FAT1: variants seen among roughly 807,000 people sequenced by gnomAD.
FAT1 encodes protocadherin Fat 1.
Under a neutral mutation model 329.8 loss-of-function variants are expected in FAT1, and 171 were observed. The observed-to-expected ratio is 0.52, with a 90% CI of 0.46 to 0.59. The LOEUF is 0.59. Among genes scored for constraint, FAT1 ranks in the 20% least tolerant of loss-of-function variants. The pLI is 0.00. For missense variants in FAT1, 5,672 were observed against 5,774.4 expected (o/e 0.98, Z 0.57); for synonymous variants, 2,233 against 2,228.6 (o/e 1.00, Z -0.06).
intron 23 of FAT1, 51 bp from the exon 24 acceptor site, chr4:186,597,843 A>C: frequency 1.9e-6 from 3 of 1,578,192 alleles, no homozygotes; most frequent in Non-Finnish European, 1.7e-6. Context: ...ATTGCAAATA[A>C]ATACAGCAAA....
rs1233843253 is a variant in FAT1 at position 186,598,152 on chromosome 4, G to A, written c.12104-27C>T. On this transcript the variant is annotated intron_variant, in intron 22 of 26. Transcript: ENST00000441802. ...TAAATCGGCAAAAAGGAACAAAAAA[G>A]TCCTATCACTCAATGACTCAGAAAC... The A allele has an allele frequency of 3.8e-6, 6 of 1,578,994 alleles. No homozygotes were observed. In the African/African-American group the frequency reaches 5.5e-5, roughly 14 times the overall value.
At chr4:186,633,585 C>A in intron 7 of FAT1, 99 bp downstream of exon 7, 2 of 1,326,618 alleles carry the variant, frequency 1.5e-6, no homozygotes, top group South Asian at 2.6e-5. Context: ...TTTAGACCCT[C>A]ACAGGGCAGA....
At chr4:186,654,926 AC>A (rs1352772259) in intron 3 of FAT1, among the ~76,000 whole-genome samples, 1 of 151,734 alleles carries the variant, frequency 6.6e-6, no homozygotes, top group Non-Finnish European at 1.5e-5. Flanking sequence ...AAAAAAAAAA[AC>A]AAAAAAAACT....
chr4:186,710,801 A>G (rs1164708097), intron 1 of FAT1, among the ~76,000 whole-genome samples: 2 of 152,200 alleles, frequency 1.3e-5, no homozygotes, highest in African/African-American at 4.8e-5. Flanking sequence ...GGGTCAAATC[A>G]GTCTATTAAT....
At chr4:186,699,186 C>A (rs1160135235) in intron 2 of FAT1, among the ~76,000 whole-genome samples, 2 of 152,040 alleles carry the variant, frequency 1.3e-5, no homozygotes, top group African/African-American at 4.8e-5. Context: ...AAAAAGCTTA[C>A]CTGTGATAAG....
chr4:186,642,522 T>A (rs193139819), intron 3 of FAT1, among the ~76,000 whole-genome samples: 108 of 152,320 alleles, frequency 7.1e-4, no homozygotes, highest in African/African-American at 2.2e-3. Context: ...GTGAGAGAGA[T>A]AAACTACTGT....
chr4:186,679,540 T>C (rs1469987706), intron 2 of FAT1, among the ~76,000 whole-genome samples: 2 of 151,844 alleles, frequency 1.3e-5, no homozygotes, highest in Non-Finnish European at 2.9e-5. Context: ...AAGCAGGAAG[T>C]ATCTCACATC....
intron 3 of FAT1, among the ~76,000 whole-genome samples, chr4:186,653,673 A>G (rs747921976): frequency 6.6e-5 from 10 of 152,244 alleles, no homozygotes; most frequent in Non-Finnish European, 1.3e-4. Context: ...CTTTTGTGAT[A>G]CATGAAAAGG....
In FAT1 at chr4:186,606,201, T is replaced by C; in HGVS notation, c.10219A>G (p.Thr3407Ala). The C allele has an allele frequency of 6.2e-7, 1 of 1,612,726 alleles. No individual in the cohort carries two copies. Among genetic ancestry groups the C allele is most frequent in the Non-Finnish European group, 8.5e-7 (1 of 1,179,658 alleles). ...TTATCAGAAGCTTGAACCGTGAGCG[T>C]GTAACCTGAAATCTTTTCAGGCAAA... is the stretch of plus-strand genomic sequence containing the variant. Reference protein sequence around the residue: ...LLDRETISGYTLTVQASDNGS... With the variant: ...LLDRETISGYALTVQASDNGS... Residue 3407 changes from threonine (T) to alanine (A), a missense_variant, in exon 17 of 27, where the codon ACG (threonine) becomes GCG (alanine). This residue lies in a region of FAT1 where 1,706 missense variants were observed against 1,859.1 expected (regional missense o/e 0.92). Coordinates refer to ENST00000441802, the MANE Select transcript of FAT1 (RefSeq NM_005245.4).
At chr4:186,648,751 G>T (rs546604048) in intron 3 of FAT1, among the ~76,000 whole-genome samples, 1 of 152,178 alleles carries the variant, frequency 6.6e-6, no homozygotes, top group East Asian at 1.9e-4. Context: ...CATGGGGTGT[G>T]AATGCCAACC....
intron 3 of FAT1, among the ~76,000 whole-genome samples, chr4:186,652,349 T>G (rs1741708038): frequency 6.6e-6 from 1 of 152,192 alleles, no homozygotes; most frequent in East Asian, 1.9e-4. Context: ...TGCAAAATCT[T>G]AACTATAATT....
chr4:186,696,070 C>T (rs953970335), intron 2 of FAT1, among the ~76,000 whole-genome samples: 2 of 152,150 alleles, frequency 1.3e-5, no homozygotes, highest in East Asian at 1.9e-4. Context: ...GGATTACAGG[C>T]GGGAGCCACA....
At chr4:186,655,151 T>G (rs1741845365) in intron 3 of FAT1, among the ~76,000 whole-genome samples, 1 of 152,178 alleles carries the variant, frequency 6.6e-6, no homozygotes. Context: ...TAAAACCTTT[T>G]AAGATGCAAA....
Position 186,631,780 on chromosome 4 carries a change from G to A in FAT1, c.4323+1904C>T, listed in dbSNP as rs890169360. 3.3e-5 allele frequency among the ~76,000 whole-genome samples: 5 copies of A among 151,590 alleles called. No individual in the cohort carries two copies. In the East Asian group the frequency reaches 7.8e-4, roughly 24 times the overall value. On this transcript the variant is annotated intron_variant, in intron 7 of 26. Transcript: ENST00000441802. ...CCCCACAGTATCCTAGTGTCTCGCC[G>A]CCCAGCTGATCCCTCTGCTTTTCAA...
chr4:186,604,572 T>C lies in FAT1; in HGVS notation c.10353A>G (p.Glu3451=), dbSNP rs1187718296. The change falls in exon 18 of 27, where the codon GAA becomes GAG. Residue 3451 remains glutamate (E), a splice_region_variant and synonymous_variant. Coordinates refer to ENST00000441802, the MANE Select transcript of FAT1 (RefSeq NM_005245.4). ...SRGNYSVIIQ[E]NKPVGFSVLQ... ...GCACGCTGAAGCCCACTGGCTTATTTTCCTGCACAAGATTAGAAACAAAAT... is the reference window on the plus strand; with the variant it reads ...GCACGCTGAAGCCCACTGGCTTATTCTCCTGCACAAGATTAGAAACAAAAT... The C allele has an allele frequency of 6.2e-7, 1 of 1,604,362 alleles. No homozygotes were observed. The highest frequency in any genetic ancestry group is 8.5e-7 in the Non-Finnish European group (1 of 1,175,504).
intron 24 of FAT1, 87 bp from the exon 25 acceptor site, chr4:186,597,258 C>A (rs2126397066): frequency 7.4e-7 from 1 of 1,359,568 alleles, no homozygotes; most frequent in Non-Finnish European, 9.8e-7. Context: ...GAAGACTAAT[C>A]CCTCCTTGAT....
Position 186,666,104 on chromosome 4 carries a change from A to G in FAT1, c.3266-2491T>C, listed in dbSNP as rs536021192. Among the ~76,000 whole-genome samples the G allele has an allele frequency of 1.5e-3, 224 of 151,746 alleles. 1 individual carries two copies. Among genetic ancestry groups the G allele is most frequent in the Non-Finnish European group, 2.3e-3 (154 of 67,886 alleles). On this transcript the variant is annotated intron_variant, in intron 2 of 26. Transcript: ENST00000441802. Reference sequence around the variant, plus strand: ...TAATGTAAATGATGAGTTAATGGGTAAAGCACACCAACATGGCACATGTAT... The same window carrying G: ...TAATGTAAATGATGAGTTAATGGGTGAAGCACACCAACATGGCACATGTAT...
At chr4:186,691,525 G>A (rs1743761682) in intron 2 of FAT1, among the ~76,000 whole-genome samples, 1 of 152,198 alleles carries the variant, frequency 6.6e-6, no homozygotes, top group Admixed American at 6.5e-5. Context: ...GGCGTGACAG[G>A]CATGTTGGCT....
chr4:186,676,337 T>C (rs999907798), intron 2 of FAT1, among the ~76,000 whole-genome samples: 3 of 151,780 alleles, frequency 2.0e-5, no homozygotes, highest in Non-Finnish European at 2.9e-5. Flanking sequence ...TGGCGAGTTA[T>C]ACGGATGAGT....
Sources: allele counts gnomAD v4.1 joint callset (sites outside exome capture counted in the v4.1 genomes callset), GRCh38; gene constraint gnomAD v4.1.1; regional missense constraint gnomAD v4.1.1; transcripts MANE v1.5; gene names NCBI Gene and HGNC (gene_info 2026-07-23, HGNC 2026-07-21).